PLEKHH2: variants seen among roughly 807,000 people sequenced by gnomAD.
PLEKHH2 encodes the protein pleckstrin homology domain-containing family H member 2.
PLEKHH2 carries 129 observed loss-of-function variants against 187.9 expected under a neutral mutation model. The observed-to-expected ratio is 0.69, with a 90% CI of 0.59 to 0.79. The LOEUF (loss-of-function observed/expected upper bound fraction) is 0.79, where lower values mean the gene tolerates loss of function less well. Among genes scored for constraint, PLEKHH2 ranks in the 30% least tolerant of loss-of-function variants. The pLI is 0.00. For synonymous variants in PLEKHH2, 686 were observed against 605.6 expected (o/e 1.13, Z -1.95); for missense variants, 2,076 against 1,751.2 (o/e 1.19, Z -3.31).
At chr2:43,666,382 C>G (rs1310483639) in intron 2 of PLEKHH2, among the ~76,000 whole-genome samples, 3 of 151,272 alleles carry the variant, frequency 2.0e-5, no homozygotes, top group African/African-American at 7.4e-5. Flanking sequence ...CTGGCACTCC[C>G]TAGTGAGATG....
chr2:43,762,234 T>C, intron 27 of PLEKHH2, 70 bp from the exon 28 acceptor site: 1 of 1,206,382 alleles, frequency 8.3e-7, no homozygotes, highest in Non-Finnish European at 1.2e-6. Context: ...TTACATGACA[T>C]TTAGACTGAA....
At chr2:43,675,618 C>G (rs143787127) in intron 2 of PLEKHH2, 27,530 of 1,613,628 alleles carry the variant, frequency 0.017, 279 homozygotes, top group Middle Eastern at 0.022. Context: ...CTTCATAATC[C>G]TCTGCATTTT....
chr2:43,665,847 G>C (rs1220064370), intron 2 of PLEKHH2, among the ~76,000 whole-genome samples: 2 of 132,382 alleles, frequency 1.5e-5, no homozygotes, highest in African/African-American at 6.2e-5. Flanking sequence ...ATCTCCAGCT[G>C]CGTGCTGGGA....
At chr2:43,645,154 G>C (rs1287205428) in intron 2 of PLEKHH2, among the ~76,000 whole-genome samples, 2 of 152,014 alleles carry the variant, frequency 1.3e-5, no homozygotes, top group Admixed American at 6.6e-5. Context: ...ATTATCTATT[G>C]ATAGTAAAAT....
chr2:43,712,074 G>T, intron 14 of PLEKHH2, 151 bp from the exon 15 acceptor site: 1 of 1,299,818 alleles, frequency 7.7e-7, no homozygotes, highest in East Asian at 2.5e-5. Flanking sequence ...TATTCTAACT[G>T]ATATGGAGTC....
Position 43,650,207 on chromosome 2 carries a change from G to A in PLEKHH2, c.123+5411G>A, listed in dbSNP as rs138606759. ...GCTTTGTTGCCCAGGCTGAAGTGCA[G>A]TGGTGCCTTCTGCCCCCTGGGTTCA... On this transcript the variant is annotated intron_variant, in intron 2 of 29. Coordinates refer to ENST00000282406, the MANE Select transcript of PLEKHH2 (RefSeq NM_172069.4). 4.7e-3 allele frequency among the ~76,000 whole-genome samples: 628 copies of A among 132,384 alleles called. 13 individuals carry two copies. Among genetic ancestry groups the A allele is most frequent in the East Asian group, 0.043 (199 of 4,666 alleles). The allele number at this position is 132,384 out of a possible 152,430, so 86.8% of individuals were successfully genotyped here.
At chr2:43,640,169 A>T (rs1046951725) in intron 1 of PLEKHH2, among the ~76,000 whole-genome samples, 2 of 152,020 alleles carry the variant, frequency 1.3e-5, no homozygotes, top group Non-Finnish European at 2.9e-5. Flanking sequence ...TGATATACCA[A>T]ATATAAAGTT....
chr2:43,739,183 G>T (rs181222527), intron 20 of PLEKHH2, among the ~76,000 whole-genome samples: 1 of 152,036 alleles, frequency 6.6e-6, no homozygotes, highest in South Asian at 2.1e-4. Flanking sequence ...GAGCCACCGC[G>T]CCCACCAGGA....
At position 43,757,158 on chromosome 2, in the gene PLEKHH2, G is replaced by T; in HGVS notation, c.3835G>T (p.Ala1279Ser). ...TTTTGAAAGACCTTTCTCAACTCCA[G>T]CAGGGCATGTTACCAATCAGTGCAA... Reference protein sequence around the residue: ...GDFERPFSTPAGHVTNQCKVN... With the variant: ...GDFERPFSTPSGHVTNQCKVN... Residue 1279 changes from alanine (A) to serine (S), a missense_variant, in exon 26 of 30, where the codon GCA becomes TCA. Transcript: ENST00000282406. 1 of 1,597,664 alleles carries T rather than the reference G, an allele frequency of 6.3e-7. No individual in the cohort carries two copies.
intron 1 of PLEKHH2, among the ~76,000 whole-genome samples, chr2:43,642,348 ATAGT>A (rs1665980074): frequency 6.6e-6 from 1 of 152,082 alleles, no homozygotes; most frequent in African/African-American, 2.4e-5. Context: ...GCTAAACTCT[ATAGT>A]TTAGTATTTT....
At chr2:43,727,493 A>C (rs1367406966) in intron 17 of PLEKHH2, among the ~76,000 whole-genome samples, 2 of 152,184 alleles carry the variant, frequency 1.3e-5, no homozygotes, top group Non-Finnish European at 2.9e-5. Flanking sequence ...ACAAAATTGA[A>C]ATAATTATTT....
At chr2:43,671,102 G>GC (rs1176923408) in intron 2 of PLEKHH2, among the ~76,000 whole-genome samples, 2 of 151,248 alleles carry the variant, frequency 1.3e-5, no homozygotes, top group Non-Finnish European at 2.9e-5. Flanking sequence ...TCCTGCCTCT[G>GC]CCCCCCACTG....
intron 2 of PLEKHH2, among the ~76,000 whole-genome samples, chr2:43,674,821 C>G (rs1667655127): frequency 6.6e-6 from 1 of 152,000 alleles, no homozygotes; most frequent in African/African-American, 2.4e-5. Flanking sequence ...GCTGTCTCTA[C>G]TAAAAATAAA....
At position 43,742,743 on chromosome 2, in the gene PLEKHH2, C is replaced by T. The variant is rs772977460; in HGVS notation, c.3224C>T (p.Thr1075Ile). The change falls in exon 22 of 30, where the codon ACA becomes ATA. Residue 1075 changes from threonine to isoleucine, a missense_variant and splice_region_variant. Coordinates refer to ENST00000282406, the MANE Select transcript of PLEKHH2 (RefSeq NM_172069.4). ...TTATCTTAAGTTTTGTATTACAGGA[C>T]AGAATTTGGAAAATATGCCATTTAC... is the stretch of plus-strand genomic sequence containing the variant. ...LHLKRNADSR[T>I]EFGKYAIYCQ... The T allele has an allele frequency of 6.4e-7, 1 of 1,555,236 alleles. No individual in the cohort carries two copies. Among genetic ancestry groups the T allele is most frequent in the Non-Finnish European group, 8.7e-7 (1 of 1,154,118 alleles).
chr2:43,705,251 CTTTTTTTTTTTT>C (rs5830767), intron 9 of PLEKHH2, among the ~76,000 whole-genome samples: 6 of 95,868 alleles, frequency 6.3e-5, no homozygotes, highest in African/African-American at 1.3e-4. Context: ...AAATTTTATC[CTTTTTTTTTTTT>C]TTTTTTTTTT....
intron 2 of PLEKHH2, among the ~76,000 whole-genome samples, chr2:43,645,006 AC>A (rs1172851414): frequency 2.0e-5 from 3 of 152,128 alleles, no homozygotes; most frequent in Admixed American, 2.0e-4. Flanking sequence ...ATATGTGAGA[AC>A]CGTGTATGTT....
chr2:43,720,519 A>G, intron 15 of PLEKHH2, 150 bp from the exon 16 acceptor site: 1 of 1,261,278 alleles, frequency 7.9e-7, no homozygotes, highest in South Asian at 1.5e-5. Context: ...TGACAGGTAC[A>G]TCTTAAACAG....
At chr2:43,704,628 A>T (rs1669556930) in intron 9 of PLEKHH2, among the ~76,000 whole-genome samples, 1 of 139,366 alleles carries the variant, frequency 7.2e-6, no homozygotes, top group South Asian at 2.3e-4. Flanking sequence ...GTGCCACTGC[A>T]CTCCAGCCTG....
At chr2:43,703,190 T>C (rs1669474796) in intron 8 of PLEKHH2, among the ~76,000 whole-genome samples, 1 of 152,184 alleles carries the variant, frequency 6.6e-6, no homozygotes, top group African/African-American at 2.4e-5. Context: ...TCCTGGACAG[T>C]CAACTGTGTC....
Sources: gnomAD v4.1 joint callset for allele counts (sites outside exome capture counted in the v4.1 genomes callset) on GRCh38, gnomAD v4.1.1 for gene constraint, MANE v1.5 for transcripts, NCBI Gene and HGNC (gene_info 2026-07-23, HGNC 2026-07-21) for gene names.